The following SKAP2 variants were observed in gnomAD, a reference collection of about 807,000 sequenced individuals.
SKAP2 encodes the protein src kinase-associated phosphoprotein 2.
In SKAP2, 28 loss-of-function variants were observed where a neutral mutation model predicts 54.9. The observed-to-expected ratio is 0.51, with a 90% CI of 0.38 to 0.70. The LOEUF (loss-of-function observed/expected upper bound fraction) is 0.70, where lower values mean the gene tolerates loss of function less well. Ranked by LOEUF, SKAP2 falls within the 30% of genes least tolerant of loss-of-function variation. The pLI is 0.00. For missense variants in SKAP2, 356 were observed against 424.1 expected (o/e 0.84, Z 1.41); for synonymous variants, 137 against 134.3 (o/e 1.02, Z -0.14).
chr7:26,790,644 C>T (rs3801842), intron 4 of SKAP2, among the ~76,000 whole-genome samples: 32,608 of 152,086 alleles, frequency 0.21, 3,586 homozygotes, highest in Non-Finnish European at 0.24. Flanking sequence ...ATATTTCATA[C>T]TTGCTTTTGA....
chr7:26,693,644 T>C (rs996119222), intron 9 of SKAP2, among the ~76,000 whole-genome samples: 2 of 152,182 alleles, frequency 1.3e-5, no homozygotes, highest in East Asian at 3.8e-4. Flanking sequence ...AATATCCAAA[T>C]TGAAATCCAT....
At chr7:26,836,973 G>A (rs1279445243) in intron 4 of SKAP2, among the ~76,000 whole-genome samples, 1 of 152,138 alleles carries the variant, frequency 6.6e-6, no homozygotes, top group East Asian at 1.9e-4. Context: ...AAGAAAATGT[G>A]GCACATATAC....
intron 11 of SKAP2, among the ~76,000 whole-genome samples, chr7:26,681,899 G>A (rs984785608): frequency 6.6e-6 from 1 of 152,000 alleles, no homozygotes; most frequent in Non-Finnish European, 1.5e-5. Flanking sequence ...CATGGAATAG[G>A]AAAGTAATAA....
At chr7:26,777,500 T>G (rs937132356) in intron 4 of SKAP2, among the ~76,000 whole-genome samples, 2 of 152,162 alleles carry the variant, frequency 1.3e-5, no homozygotes, top group African/African-American at 4.8e-5. Context: ...GTTTTAATCT[T>G]CTGTCAATTT....
At chr7:26,690,401 T>C (rs753387423) in intron 9 of SKAP2, 39 bp from the exon 10 acceptor site, 161 of 1,349,688 alleles carry the variant, frequency 1.2e-4, no homozygotes, top group Non-Finnish European at 1.6e-5. Flanking sequence ...TGAAGGGTTT[T>C]CTCAGGGATA....
intron 9 of SKAP2, among the ~76,000 whole-genome samples, chr7:26,695,800 C>G (rs760811542): frequency 6.6e-6 from 1 of 152,202 alleles, no homozygotes; most frequent in Non-Finnish European, 1.5e-5. Flanking sequence ...TTCCTCACCT[C>G]TAGCTTTTAA....
At chr7:26,697,904 A>G (rs1459873999) in intron 9 of SKAP2, among the ~76,000 whole-genome samples, 5 of 152,228 alleles carry the variant, frequency 3.3e-5, no homozygotes, top group African/African-American at 7.2e-5. Context: ...CCAAAAGTAT[A>G]TATGCATTTC....
intron 4 of SKAP2, among the ~76,000 whole-genome samples, chr7:26,838,519 A>T (rs1049634348): frequency 6.6e-6 from 1 of 152,212 alleles, no homozygotes; most frequent in Non-Finnish European, 1.5e-5. Flanking sequence ...CTTGACAAAA[A>T]AGTTATCATC....
chr7:26,799,648 A>G (rs1783867727), intron 4 of SKAP2, among the ~76,000 whole-genome samples: 1 of 152,210 alleles, frequency 6.6e-6, no homozygotes, highest in Non-Finnish European at 1.5e-5. Context: ...CATCACTCAC[A>G]TCTTCCAGAC....
chr7:26,836,636 G>C (rs1584418673), intron 4 of SKAP2, among the ~76,000 whole-genome samples: 1 of 152,282 alleles, frequency 6.6e-6, no homozygotes, highest in East Asian at 1.9e-4. Context: ...ACCACCATGA[G>C]ATACCATCTT....
At chr7:26,781,503 C>T (rs748707090) in intron 4 of SKAP2, among the ~76,000 whole-genome samples, 2 of 152,160 alleles carry the variant, frequency 1.3e-5, no homozygotes, top group Non-Finnish European at 2.9e-5. Flanking sequence ...GCTACTAAAA[C>T]AGCTGATGAG....
the SKAP2 span, among the ~76,000 whole-genome samples, chr7:26,656,832 G>A: frequency 5.3e-5 from 8 of 151,710 alleles, no homozygotes; most frequent in East Asian, 9.7e-4. Flanking sequence ...ATGTGTCTCC[G>A]GCCCCAGTGC....
At chr7:26,827,560 G>A (rs1441627516) in intron 4 of SKAP2, among the ~76,000 whole-genome samples, 1 of 151,966 alleles carries the variant, frequency 6.6e-6, no homozygotes, top group Non-Finnish European at 1.5e-5. Context: ...AAAGATATAG[G>A]AATTCAAAAT....
At chr7:26,714,944 G>A (rs1267322964) in intron 9 of SKAP2, among the ~76,000 whole-genome samples, 1 of 152,082 alleles carries the variant, frequency 6.6e-6, no homozygotes, top group Non-Finnish European at 1.5e-5. Flanking sequence ...TTAAAAGTCT[G>A]ATATGAAGAC....
chr7:26,758,976 A>G (rs540045778), intron 4 of SKAP2, among the ~76,000 whole-genome samples: 1 of 152,300 alleles, frequency 6.6e-6, no homozygotes, highest in Admixed American at 6.5e-5. Context: ...TTTATGACAA[A>G]TTTTCCGAAA....
intron 4 of SKAP2, among the ~76,000 whole-genome samples, chr7:26,777,650 G>T (rs1330186839): frequency 6.6e-6 from 1 of 151,608 alleles, no homozygotes; most frequent in Non-Finnish European, 1.5e-5. Context: ...TACCCAAAAT[G>T]CTGGCAGAAA....
intron 9 of SKAP2, among the ~76,000 whole-genome samples, chr7:26,722,385 A>ATTTTTTTTTTT (rs35643377): frequency 1.1e-5 from 1 of 89,056 alleles, no homozygotes; most frequent in African/African-American, 4.5e-5. Flanking sequence ...ATGCAATGCA[A>ATTTTTTTTTTT]TTTTTTTTTT....
chr7:26,853,596 C>T (rs1007781592), intron 3 of SKAP2, among the ~76,000 whole-genome samples: 2 of 151,962 alleles, frequency 1.3e-5, no homozygotes, highest in African/African-American at 4.8e-5. Flanking sequence ...GTCTATGGCC[C>T]CTATGTATTC....
At chr7:26,767,771 T>C (rs746050443) in intron 4 of SKAP2, among the ~76,000 whole-genome samples, 1 of 152,204 alleles carries the variant, frequency 6.6e-6, no homozygotes, top group African/African-American at 2.4e-5. Context: ...TTGTGCAGTA[T>C]TGAGTGAGTT....
Sources: gnomAD v4.1 joint callset for allele counts (sites outside exome capture counted in the v4.1 genomes callset) on GRCh38, gnomAD v4.1.1 for gene constraint, MANE v1.5 for transcripts, NCBI Gene and HGNC (gene_info 2026-07-23, HGNC 2026-07-21) for gene names.